The following MYO18B variants were observed in gnomAD, a reference collection of about 807,000 sequenced individuals.
MYO18B encodes the protein myosin XVIIIB.
MYO18B carries 204 observed loss-of-function variants against 273.0 expected under a neutral mutation model. The ratio of observed to expected loss-of-function variants is 0.75; its 90% CI spans 0.67 to 0.84. MYO18B has a LOEUF of 0.84. Among genes scored for constraint, MYO18B ranks in the 40% least tolerant of loss-of-function variants. The pLI, the probability that MYO18B is intolerant of heterozygous loss-of-function variation, is 0.00. For synonymous variants in MYO18B, 1,330 were observed against 1,305.7 expected (o/e 1.02, Z -0.40); for missense variants, 3,212 against 3,287.6 (o/e 0.98, Z 0.56).
intron 22 of MYO18B, among the ~76,000 whole-genome samples, chr22:25,873,336 C>T (rs946124318): frequency 6.6e-6 from 1 of 152,252 alleles, no homozygotes; most frequent in Non-Finnish European, 1.5e-5. Flanking sequence ...CCCTCAGCAC[C>T]TCTGTGGGTG....
At chr22:25,792,240 T>C (rs5761187) in intron 11 of MYO18B, among the ~76,000 whole-genome samples, 148,345 of 152,266 alleles carry the variant, frequency 0.97, 72,341 homozygotes, top group Non-Finnish European at 0.99. Flanking sequence ...CCTCCTCTGT[T>C]GGTTGGAGAG....
intron 19 of MYO18B, among the ~76,000 whole-genome samples, chr22:25,847,173 C>G (rs1324966990): frequency 1.3e-5 from 2 of 152,108 alleles, no homozygotes; most frequent in Non-Finnish European, 1.5e-5. Context: ...AGTTCTAGTC[C>G]CAGCTGTTCT....
intron 34 of MYO18B, among the ~76,000 whole-genome samples, chr22:25,931,209 A>G (rs535356919): frequency 1.4e-4 from 22 of 152,242 alleles, no homozygotes; most frequent in Non-Finnish European, 2.9e-4. Flanking sequence ...AGATAAAGAC[A>G]GAATTGTAAT....
intron 36 of MYO18B, among the ~76,000 whole-genome samples, chr22:25,948,362 A>G (rs893980494): frequency 6.6e-6 from 1 of 151,874 alleles, no homozygotes; most frequent in African/African-American, 2.4e-5. Flanking sequence ...CCATTTATTC[A>G]CCTATCCACC....
chr22:26,037,280 G>T, the MYO18B span, among the ~76,000 whole-genome samples: 1 of 152,068 alleles, frequency 6.6e-6, no homozygotes, highest in Non-Finnish European at 1.5e-5. Flanking sequence ...GTTTCTTCTC[G>T]AGTAATAAGG....
intron 1 of MYO18B, among the ~76,000 whole-genome samples, chr22:25,744,011 C>G (rs757091449): frequency 1.1e-4 from 17 of 152,146 alleles, no homozygotes; most frequent in Non-Finnish European, 2.2e-4. Flanking sequence ...GATTTTAAAC[C>G]TCACAGGTGG....
intron 42 of MYO18B, among the ~76,000 whole-genome samples, chr22:26,024,137 A>G (rs543160146): frequency 1.3e-5 from 2 of 152,324 alleles, no homozygotes; most frequent in Admixed American, 1.3e-4. Context: ...TATTGAGTCC[A>G]GTGTGGGGTT....
At chr22:25,839,514 G>T (rs893375151) in intron 17 of MYO18B, among the ~76,000 whole-genome samples, 2 of 152,310 alleles carry the variant, frequency 1.3e-5, no homozygotes, top group East Asian at 3.9e-4. Flanking sequence ...GGAGCCCTTG[G>T]TTGGAGCCAG....
rs2089540116 is a variant in MYO18B, at chr22:25,827,523, TAGGCAA to T, written c.2786+1029_2786+1034del. On this transcript the variant is annotated intron_variant, in intron 14 of 43. Coordinates refer to ENST00000335473, the MANE Select transcript of MYO18B (RefSeq NM_032608.7). ...TTTTCAGCAGAGCTAATTCAGAGCCTAGGCAAAGGCTTGCCTTCCTCCTCTGTGAAA... is the reference window on the plus strand; with the variant it reads ...TTTTCAGCAGAGCTAATTCAGAGCCTAGGCTTGCCTTCCTCCTCTGTGAAA... Among the ~76,000 whole-genome samples the T allele has an allele frequency of 2.0e-5, 3 of 152,204 alleles. No individual in the cohort carries two copies. In the South Asian group the frequency reaches 6.2e-4, roughly 31 times the overall value.
the MYO18B span, among the ~76,000 whole-genome samples, chr22:26,037,655 C>T: frequency 6.6e-6 from 1 of 152,184 alleles, no homozygotes; most frequent in South Asian, 2.1e-4. Context: ...CAATCTCAAG[C>T]GACCTACCTC....
chr22:25,746,036 G>A (rs1210256909), intron 1 of MYO18B, among the ~76,000 whole-genome samples: 2 of 152,162 alleles, frequency 1.3e-5, no homozygotes, highest in African/African-American at 2.4e-5. Flanking sequence ...ATAAAAGCAG[G>A]ACTGAATACC....
At chr22:26,033,832 CTTT>C (rs1936718428), downstream of MYO18B, among the ~76,000 whole-genome samples, 1 of 110,214 alleles carries the variant, frequency 9.1e-6, no homozygotes, top group East Asian at 2.2e-4. Flanking sequence ...TCCCTTCCTT[CTTT>C]CTTTCTTTCC....
At chr22:25,835,230 G>A in intron 16 of MYO18B, 66 bp from the exon 17 acceptor site, 2 of 1,535,602 alleles carry the variant, frequency 1.3e-6, no homozygotes, top group Non-Finnish European at 1.7e-6. Flanking sequence ...TCGGTGGGAA[G>A]AGAAGCCCAA....
intron 9 of MYO18B, among the ~76,000 whole-genome samples, chr22:25,781,192 G>T (rs1050243404): frequency 1.3e-5 from 2 of 152,208 alleles, no homozygotes; most frequent in African/African-American, 4.8e-5. Context: ...TACCTTAATT[G>T]AAATGAATCT....
intron 25 of MYO18B, among the ~76,000 whole-genome samples, chr22:25,886,395 A>G (rs2091501206): frequency 6.6e-6 from 1 of 152,122 alleles, no homozygotes; most frequent in South Asian, 2.1e-4. Context: ...GTACCATGAG[A>G]CTGAAGCCAT....
chr22:25,976,685 AGGCTAGGATCT>A (rs1400188828), intron 39 of MYO18B, among the ~76,000 whole-genome samples: 1 of 152,120 alleles, frequency 6.6e-6, no homozygotes, highest in African/African-American at 2.4e-5. Context: ...AGCCTGGGGA[AGGCTAGGATCT>A]GGCATTGATC....
At chr22:25,978,746 G>T (rs2093119748) in intron 39 of MYO18B, among the ~76,000 whole-genome samples, 1 of 152,204 alleles carries the variant, frequency 6.6e-6, no homozygotes, top group South Asian at 2.1e-4. Context: ...CTGAGGTCAG[G>T]AGTTCGAGAC....
the MYO18B span, among the ~76,000 whole-genome samples, chr22:26,060,907 A>C: frequency 9.6e-6 from 1 of 104,266 alleles, no homozygotes; most frequent in African/African-American, 7.3e-5. Context: ...ACATATACAC[A>C]AACATACATA....
At chr22:25,750,510 G>A in intron 1 of MYO18B, among the ~76,000 whole-genome samples, 1 of 152,146 alleles carries the variant, frequency 6.6e-6, no homozygotes, top group East Asian at 1.9e-4. Context: ...GAAACCAGGT[G>A]TCAGGCAGTC....
Sources: allele counts gnomAD v4.1 joint callset (sites outside exome capture counted in the v4.1 genomes callset), GRCh38; gene constraint gnomAD v4.1.1; transcripts MANE v1.5; gene names NCBI Gene and HGNC (gene_info 2026-07-23, HGNC 2026-07-21).